The following DHRSX variants were observed in gnomAD, a reference collection of about 807,000 sequenced individuals.
The protein encoded by DHRSX is polyprenol dehydrogenase.
DHRSX carries 31 observed loss-of-function variants against 34.0 expected under a neutral mutation model. The observed-to-expected ratio is 0.91, with a 90% confidence interval of 0.69 to 1.23. The LOEUF is 1.23. DHRSX is among the 50% of genes most tolerant of loss of function. DHRSX has a pLI of 0.00. For synonymous variants in DHRSX, 201 were observed against 183.8 expected, an observed-to-expected ratio of 1.09 and a Z score of -0.76; for missense variants, 414 against 428.1, an observed-to-expected ratio of 0.97 and a Z score of 0.29.
At chrX:2,490,056 CGCCCAG>C (rs1453099792) in intron 1 of DHRSX, 1 of 1,613,578 alleles carries the variant, frequency 6.2e-7, no homozygotes, top group Non-Finnish European at 8.5e-7. Context: ...CAGTTGGGGG[CGCCCAG>C]GCCCAGGAAG....
intron 1 of DHRSX, among the ~76,000 whole-genome samples, chrX:2,457,050 T>G (rs1203687009): frequency 6.6e-6 from 1 of 152,068 alleles, no homozygotes; most frequent in Admixed American, 6.6e-5. Context: ...GTGCCTGGGA[T>G]GGGTGGTGAC....
rs1440460618 is a variant in DHRSX at position 2,491,072 on chromosome X, T to TG, written c.109+9744_109+9745insC. On this transcript the variant is annotated intron_variant, in intron 1 of 6. Coordinates refer to ENST00000334651, the MANE Select transcript of DHRSX (RefSeq NM_145177.3). ...TACCTGACAAGTGCCTTTAGTTTTT[T>TG]TTTTTTTTTTTTTTTGAGACAGAGT... Among the ~76,000 whole-genome samples, 35 of 122,260 alleles carry TG rather than the reference T, an allele frequency of 2.9e-4. 1 individual carries two copies. Among genetic ancestry groups the TG allele is most frequent in the African/African-American group, 6.4e-4 (21 of 32,790 alleles). The allele number at this position is 122,260 out of a possible 152,430, so 80.2% of individuals were successfully genotyped here. A position where few individuals can be genotyped will look rare whatever the true frequency, so the allele number is the denominator to read the frequency against.
At chrX:2,370,753 C>A (rs956647966) in intron 3 of DHRSX, among the ~76,000 whole-genome samples, 1 of 152,092 alleles carries the variant, frequency 6.6e-6, no homozygotes, top group South Asian at 2.1e-4. Context: ...TCCCATCTAA[C>A]GTGATCACAT....
At chrX:2,424,142 C>T (rs1483599221) in intron 2 of DHRSX, among the ~76,000 whole-genome samples, 2 of 152,044 alleles carry the variant, frequency 1.3e-5, no homozygotes, top group African/African-American at 2.4e-5. Context: ...TATGAGGACA[C>T]GGACACACAC....
intron 3 of DHRSX, among the ~76,000 whole-genome samples, chrX:2,405,945 G>A (rs925063295): frequency 1.7e-4 from 25 of 150,580 alleles, no homozygotes; most frequent in Admixed American, 4.0e-4. Context: ...AAACATGGCC[G>A]AGAAAAGCAC....
At chrX:2,330,120 G>C (rs1270357630) in intron 3 of DHRSX, among the ~76,000 whole-genome samples, 8 of 89,194 alleles carry the variant, frequency 9.0e-5, no homozygotes, top group Admixed American at 1.3e-4. Flanking sequence ...GAGAGAGAGA[G>C]AGACAGAGAG....
chrX:2,346,196 C>G (rs374722097), intron 3 of DHRSX, among the ~76,000 whole-genome samples: 21 of 152,192 alleles, frequency 1.4e-4, no homozygotes, highest in Admixed American at 1.0e-3. Flanking sequence ...ATGAGCAAAA[C>G]CAGGCATCTC....
intron 1 of DHRSX, among the ~76,000 whole-genome samples, chrX:2,440,836 G>T (rs2044053664): frequency 6.6e-6 from 1 of 152,136 alleles, no homozygotes; most frequent in South Asian, 2.1e-4. Flanking sequence ...TTGTGATCGT[G>T]TGAGTCAATT....
chrX:2,324,942 TTTTG>T (rs1192479131), intron 3 of DHRSX, among the ~76,000 whole-genome samples: 7 of 62,540 alleles, frequency 1.1e-4, no homozygotes, highest in Admixed American at 2.8e-4. Flanking sequence ...CTAATTTTTG[TTTTG>T]TTTTTTTTTT....
intron 5 of DHRSX, among the ~76,000 whole-genome samples, chrX:2,260,287 A>T (rs1405216666): frequency 7.1e-6 from 1 of 139,930 alleles, no homozygotes; most frequent in Non-Finnish European, 1.5e-5. Context: ...TGTTTGATTG[A>T]ATGTTACTCT....
At chrX:2,346,789 T>C (rs977356301) in intron 3 of DHRSX, among the ~76,000 whole-genome samples, 13 of 152,002 alleles carry the variant, frequency 8.6e-5, no homozygotes, top group East Asian at 1.9e-4. Flanking sequence ...CCTAATGCTA[T>C]CCCTCCCCCA....
chrX:2,417,411 G>C (rs1198185172), intron 2 of DHRSX, among the ~76,000 whole-genome samples: 1 of 151,916 alleles, frequency 6.6e-6, no homozygotes, highest in African/African-American at 2.4e-5. Context: ...TCTAATCCAA[G>C]AGGACTTTAT....
At chrX:2,251,916 C>T (rs73183487) in intron 5 of DHRSX, among the ~76,000 whole-genome samples, 20,432 of 151,830 alleles carry the variant, frequency 0.13, 1,851 homozygotes, top group Admixed American at 0.19. Context: ...TAGGAGGGGA[C>T]TGGAAAGGCT....
In DHRSX at chrX:2,385,136, GTA is replaced by G. The variant is rs1474473029; in HGVS notation, c.286+23607_286+23608del. Reference sequence around the variant, plus strand: ...TGTGTGTGTGTGTGTGTGTGTGTGTGTATGTGTATATATATGTGTGTGTGTGT... The same window carrying G: ...TGTGTGTGTGTGTGTGTGTGTGTGTGTGTGTATATATATGTGTGTGTGTGT... On this transcript the variant is annotated intron_variant, in intron 3 of 6. Transcript: ENST00000334651. 1.0e-3 allele frequency among the ~76,000 whole-genome samples: 72 copies of G among 70,970 alleles called. No individual in the cohort carries two copies. In the East Asian group the frequency reaches 0.023, roughly 23 times the overall value. 46.6% of individuals were successfully genotyped at this position (70,970 alleles called of 152,430 possible).
At chrX:2,323,578 CAG>C (rs1384682973) in intron 3 of DHRSX, among the ~76,000 whole-genome samples, 1 of 152,108 alleles carries the variant, frequency 6.6e-6, no homozygotes, top group African/African-American at 2.4e-5. Flanking sequence ...GCCTGAGCAA[CAG>C]AGGAAGATCC....
intron 3 of DHRSX, among the ~76,000 whole-genome samples, chrX:2,341,108 C>T (rs2042635223): frequency 6.6e-6 from 1 of 152,030 alleles, no homozygotes; most frequent in South Asian, 2.1e-4. Flanking sequence ...CACGGGTTTA[C>T]TGGGCTTTGA....
chrX:2,296,092 G>T (rs757336154), intron 3 of DHRSX, among the ~76,000 whole-genome samples: 3 of 152,086 alleles, frequency 2.0e-5, no homozygotes, highest in Non-Finnish European at 4.4e-5. Context: ...TTCCGCAATC[G>T]CAACGACAGT....
intron 1 of DHRSX, among the ~76,000 whole-genome samples, chrX:2,491,097 T>G (rs2045131159): frequency 1.5e-5 from 2 of 129,348 alleles, no homozygotes; most frequent in African/African-American, 2.9e-5. Flanking sequence ...TGAGACAGAG[T>G]TTCGCTCTGT....
At chrX:2,469,118 C>T (rs1275385735) in intron 1 of DHRSX, among the ~76,000 whole-genome samples, 2 of 151,838 alleles carry the variant, frequency 1.3e-5, no homozygotes, top group Non-Finnish European at 2.9e-5. Context: ...ACACTGAAGA[C>T]GTTCCCTAAC....
Sources: allele counts gnomAD v4.1 joint callset (sites outside exome capture counted in the v4.1 genomes callset), GRCh38; gene constraint gnomAD v4.1.1; transcripts MANE v1.5; gene names NCBI Gene and HGNC (gene_info 2026-07-23, HGNC 2026-07-21).